UNC79: variants seen among roughly 807,000 people sequenced by gnomAD.
The protein encoded by UNC79 is unc-79 subunit of NALCN channel complex.
UNC79 carries 37 observed loss-of-function variants against 283.1 expected under a neutral mutation model. The observed-to-expected ratio is 0.13, with a 90% CI of 0.10 to 0.17. The LOEUF (loss-of-function observed/expected upper bound fraction) is 0.17, where lower values mean the gene tolerates loss of function less well. Among genes scored for constraint, UNC79 ranks in the 10% least tolerant of loss-of-function variants. The pLI, the probability that UNC79 is intolerant of heterozygous loss-of-function variation, is 1.00. For missense variants in UNC79, 2,272 were observed against 3,211.1 expected (o/e 0.71, Z 7.07); for synonymous variants, 1,107 against 1,200.2 (o/e 0.92, Z 1.61).
chr14:93,630,828 T>C (rs1449928339), exon 31 of UNC79: 1 of 1,613,950 alleles, frequency 6.2e-7, no homozygotes, highest in Non-Finnish European at 8.5e-7. Context: ...CTTTCAACTT[T>C]GGAAATGCCA....
intron 38 of UNC79, among the ~76,000 whole-genome samples, chr14:93,658,487 C>G (rs2071192190): frequency 6.6e-6 from 1 of 152,180 alleles, no homozygotes; most frequent in African/African-American, 2.4e-5. Flanking sequence ...CTATAGCCTG[C>G]TATTGTGATC....
intron 7 of UNC79, among the ~76,000 whole-genome samples, chr14:93,521,312 T>C (rs533965286): frequency 6.6e-6 from 1 of 152,152 alleles, no homozygotes; most frequent in South Asian, 2.1e-4. Flanking sequence ...TCCAGCCTCA[T>C]AGAGTTTTAC....
At chr14:93,378,750 CATGTTGG>C (rs2054609766) in intron 1 of UNC79, among the ~76,000 whole-genome samples, 1 of 152,150 alleles carries the variant, frequency 6.6e-6, no homozygotes, top group African/African-American at 2.4e-5. Flanking sequence ...AATTTTGGAG[CATGTTGG>C]ATTTTGGATT....
chr14:93,589,796 C>A (rs1039136832), intron 22 of UNC79, among the ~76,000 whole-genome samples: 7 of 152,132 alleles, frequency 4.6e-5, no homozygotes, highest in Non-Finnish European at 2.9e-5. Flanking sequence ...GGCACAGTGG[C>A]TCATCCCTGT....
chr14:93,528,909 G>T (rs554612396), intron 9 of UNC79, among the ~76,000 whole-genome samples: 3 of 152,216 alleles, frequency 2.0e-5, no homozygotes, highest in African/African-American at 7.2e-5. Context: ...GAGTAACCCT[G>T]TTAAAAAGGC....
chr14:93,473,037 C>G (rs1229208083), intron 2 of UNC79, among the ~76,000 whole-genome samples: 2 of 151,928 alleles, frequency 1.3e-5, no homozygotes, highest in Admixed American at 6.6e-5. Flanking sequence ...TCACTTTTAC[C>G]AAAAAGGTTT....
chr14:93,425,806 G>A (rs1386686910), upstream of UNC79, among the ~76,000 whole-genome samples: 1 of 152,194 alleles, frequency 6.6e-6, no homozygotes, highest in African/African-American at 2.4e-5. Context: ...CTTGGGCATA[G>A]GAAAGCACAA....
intron 42 of UNC79, among the ~76,000 whole-genome samples, chr14:93,685,957 T>C (rs574142838): frequency 6.6e-6 from 1 of 152,360 alleles, no homozygotes; most frequent in South Asian, 2.1e-4. Flanking sequence ...TTCTTTCTTT[T>C]ATTTATCCCC....
rs751266253 is a variant in UNC79, at chr14:93,496,386, A to G, written c.713-25A>G. 37 of 1,467,076 alleles carry G rather than the reference A, an allele frequency of 2.5e-5. No homozygotes were observed. The East Asian group carries it at 8.7e-4, about 35-fold the overall frequency. 90.9% of individuals were successfully genotyped at this position (1,467,076 alleles called of 1,614,324 possible). ...TTTGTCTGGTATTTACATTTCATGT[A>G]TGAATTACATTTTCTACATTACAGT... On this transcript the variant is annotated intron_variant, in intron 5 of 48. Coordinates refer to ENST00000555664, the Ensembl canonical transcript of UNC79.
At chr14:93,659,578 C>A (rs2071320064) in intron 39 of UNC79, among the ~76,000 whole-genome samples, 1 of 152,160 alleles carries the variant, frequency 6.6e-6, no homozygotes, top group Non-Finnish European at 1.5e-5. Flanking sequence ...CTGATAACTT[C>A]TCATTTCTGT....
chr14:93,615,357 A>G (rs1057088516), intron 27 of UNC79, among the ~76,000 whole-genome samples: 5 of 152,122 alleles, frequency 3.3e-5, no homozygotes, highest in Non-Finnish European at 5.9e-5. Context: ...TCACTGTTTC[A>G]GATACCAAAG....
chr14:93,623,015 T>C (rs2067253005), intron 30 of UNC79, among the ~76,000 whole-genome samples, 174 bp downstream of exon 32: 1 of 152,204 alleles, frequency 6.6e-6, no homozygotes. Flanking sequence ...CAATGTTGGA[T>C]GCAGATGTGG....
In UNC79 at chr14:93,621,595, G is replaced by C. The variant is rs753749059; in HGVS notation, c.4388-26G>C. On this transcript the variant is annotated intron_variant, in intron 29 of 48. Coordinates refer to ENST00000555664, the Ensembl canonical transcript of UNC79. This position sits in a 1 kb window ranked among gnomAD's most constrained non-coding sequence, Gnocchi z 4.8. Reference sequence around the variant, plus strand: ...AATGGTGAAATCTCCAAGTAAAATAGTACTAGCTTTTTCTGTTTTGATCAG... The same window carrying C: ...AATGGTGAAATCTCCAAGTAAAATACTACTAGCTTTTTCTGTTTTGATCAG... The C allele has an allele frequency of 1.4e-5, 21 of 1,517,892 alleles. No homozygotes were observed. The African/African-American group carries it at 2.4e-4, about 17-fold the overall frequency. The allele number at this position is 1,517,892 out of a possible 1,614,324, so 94.0% of individuals were successfully genotyped here. A position where few individuals can be genotyped will look rare whatever the true frequency, so the allele number is the denominator to read the frequency against.
At chr14:93,701,082 G>A (rs1367737218) in intron 47 of UNC79, among the ~76,000 whole-genome samples, 2 of 152,120 alleles carry the variant, frequency 1.3e-5, no homozygotes, top group Non-Finnish European at 2.9e-5. Flanking sequence ...AGGGCTCCTG[G>A]CTACCTCTCC....
At chr14:93,525,448 C>T (rs563898245) in intron 8 of UNC79, among the ~76,000 whole-genome samples, 12 of 149,670 alleles carry the variant, frequency 8.0e-5, no homozygotes, top group Admixed American at 2.6e-4. Context: ...GACTCCATCT[C>T]GAAAAAAAAA....
intron 7 of UNC79, among the ~76,000 whole-genome samples, chr14:93,514,164 T>A (rs2059953133): frequency 6.6e-6 from 1 of 152,108 alleles, no homozygotes; most frequent in African/African-American, 2.4e-5. Context: ...AACTGTTTTT[T>A]AAAAAATCAA....
chr14:93,673,892 A>G (rs2073108272), intron 41 of UNC79, among the ~76,000 whole-genome samples: 2 of 152,134 alleles, frequency 1.3e-5, no homozygotes, highest in Non-Finnish European at 2.9e-5. Context: ...AGGGTGGGTC[A>G]GGCCAGAGAC....
chr14:93,347,244 C>G (rs201921997), intron 1 of UNC79: 54 of 1,585,304 alleles, frequency 3.4e-5, no homozygotes, highest in Non-Finnish European at 4.5e-5. Context: ...CTGTCCACGC[C>G]TGGCTTTGTC....
chr14:93,549,684 A>G (rs1270811080), intron 14 of UNC79, among the ~76,000 whole-genome samples: 1 of 152,090 alleles, frequency 6.6e-6, no homozygotes, highest in Non-Finnish European at 1.5e-5. Flanking sequence ...CATGTGGTGG[A>G]AAAAAAAGAC....
Sources: allele counts gnomAD v4.1 joint callset (sites outside exome capture counted in the v4.1 genomes callset), GRCh38; gene constraint gnomAD v4.1.1; non-coding constraint Gnocchi (gnomAD v3.1); transcripts MANE v1.5; gene names NCBI Gene and HGNC (gene_info 2026-07-23, HGNC 2026-07-21).